Variants in ALG12 observed in about 807,000 individuals in gnomAD.
The protein encoded by ALG12 is dol-P-Man:Man(7)GlcNAc(2)-PP-Dol alpha-1,6-mannosyltransferase.
In ALG12, 36 loss-of-function variants were observed where a neutral mutation model predicts 46.0. That is an observed-to-expected ratio of 0.78 (90% CI 0.60 to 1.03). The LOEUF is 1.03. Among genes scored for constraint, ALG12 ranks in the 50% least tolerant of loss-of-function variants. The pLI is 0.00. For missense variants in ALG12, 599 were observed against 633.5 expected, an observed-to-expected ratio of 0.95 and a Z score of 0.58; for synonymous variants, 326 against 291.6, an observed-to-expected ratio of 1.12 and a Z score of -1.20.
chr22:49,912,275 G>A (rs1253665081), intron 3 of ALG12, among the ~76,000 whole-genome samples: 1 of 152,198 alleles, frequency 6.6e-6, no homozygotes, highest in African/African-American at 2.4e-5. Flanking sequence ...GACACAGGGT[G>A]GGCTCCCGTT....
At chr22:49,866,071 G>A in the ALG12 span, among the ~76,000 whole-genome samples, 1 of 152,062 alleles carries the variant, frequency 6.6e-6, no homozygotes, top group African/African-American at 2.4e-5. Flanking sequence ...ATAAAGCATT[G>A]CTGTCAAAAT....
the ALG12 span, chr22:49,883,608 A>G: frequency 6.8e-7 from 1 of 1,476,256 alleles, no homozygotes; most frequent in Non-Finnish European, 9.0e-7. Context: ...ACAAATGAGC[A>G]CTTGGATCAG....
chr22:49,864,484 C>T, the ALG12 span, among the ~76,000 whole-genome samples: 2 of 152,114 alleles, frequency 1.3e-5, no homozygotes, highest in East Asian at 1.9e-4. Flanking sequence ...AGGACACGGC[C>T]ACGTCCGATA....
At chr22:49,894,804 G>A in the ALG12 span, among the ~76,000 whole-genome samples, 9 of 152,332 alleles carry the variant, frequency 5.9e-5, no homozygotes, top group Non-Finnish European at 1.0e-4. Context: ...CCATCCTGCC[G>A]GACGGCCGTC....
chr22:49,896,969 C>A (rs2060485701), downstream of ALG12, among the ~76,000 whole-genome samples: 1 of 151,894 alleles, frequency 6.6e-6, no homozygotes, highest in Non-Finnish European at 1.5e-5. Context: ...GAAGAAAATT[C>A]CCAGTCAAAA....
Position 49,902,750 on chromosome 22 carries a change from C to G in ALG12, c.*1088G>C, listed in dbSNP as rs1283795329. ...ATGCATGGTAATGTGCACGTGTGCA[C>G]TGTGTGTGGTGTGTATGCATGGTGT... is the stretch of plus-strand genomic sequence containing the variant. On this transcript the variant is annotated 3_prime_UTR_variant, in exon 10 of 10. Coordinates refer to ENST00000330817, the MANE Select transcript of ALG12 (RefSeq NM_024105.4). The G allele has an allele frequency of 4.3e-5, 3 of 70,250 alleles. No individual in the cohort carries two copies. Among genetic ancestry groups the G allele is most frequent in the Non-Finnish European group, 7.4e-5 (3 of 40,684 alleles). The allele number at this position is 70,250 out of a possible 1,614,324, so 4.4% of individuals were successfully genotyped here. A position where few individuals can be genotyped will look rare whatever the true frequency, so the allele number is the denominator to read the frequency against.
chr22:49,915,221 C>T (rs1404832343), intron 1 of ALG12, among the ~76,000 whole-genome samples: 1 of 152,160 alleles, frequency 6.6e-6, no homozygotes, highest in East Asian at 1.9e-4. Context: ...AATATAAAAA[C>T]CTGGGGCCGG....
downstream of ALG12, among the ~76,000 whole-genome samples, chr22:49,897,944 CCA>C (rs1244419845): frequency 6.6e-6 from 1 of 152,044 alleles, no homozygotes; most frequent in East Asian, 1.9e-4. Context: ...CAGGCGTGAG[CCA>C]CCACGTCCGG....
Position 49,906,878 on chromosome 22 carries a change from G to A in ALG12, c.992+843C>T, listed in dbSNP as rs151129704. Among the ~76,000 whole-genome samples, 633 of 152,152 alleles carry A rather than the reference G, an allele frequency of 4.2e-3. 4 individuals are homozygous for A. The highest frequency in any genetic ancestry group is 0.017 in the Middle Eastern group (5 of 294). On this transcript the variant is annotated intron_variant, in intron 7 of 9. Coordinates refer to ENST00000330817, the MANE Select transcript of ALG12 (RefSeq NM_024105.4). This position sits in a 1 kb window ranked among gnomAD's most constrained non-coding sequence, Gnocchi z 4.4. The stretch of plus-strand genomic sequence containing the variant: ...TCCTTCCCCAGCACCCACAGGGCCC[G>A]GCAGTGATGGACTCTCCTGGCTCCC...
At position 49,902,250 on chromosome 22, in the gene ALG12, GTGTA is replaced by G. The variant is rs1400979700; in HGVS notation, c.*1584_*1587del. The G allele has an allele frequency of 1.4e-5, 2 of 142,924 alleles. No homozygotes were observed. The highest frequency in any genetic ancestry group is 2.9e-5 in the African/African-American group (1 of 34,860). The allele number at this position is 142,924 out of a possible 1,614,324, so 8.9% of individuals were successfully genotyped here. A position where few individuals can be genotyped will look rare whatever the true frequency, so the allele number is the denominator to read the frequency against. On this transcript the variant is annotated 3_prime_UTR_variant, in exon 10 of 10. Coordinates refer to ENST00000330817, the MANE Select transcript of ALG12 (RefSeq NM_024105.4). ...TGCATGGTGTGTGCACGTGTGCACTGTGTATGCATGGTGTGTGCATGTGTGCACT... is the reference window on the plus strand; with the variant it reads ...TGCATGGTGTGTGCACGTGTGCACTGTGCATGGTGTGTGCATGTGTGCACT...
At chr22:49,884,929 G>A in the ALG12 span, 1 of 1,606,282 alleles carries the variant, frequency 6.2e-7, no homozygotes, top group Non-Finnish European at 8.5e-7. Flanking sequence ...CATAGGGGAG[G>A]CCTCGGCGTC....
chr22:49,900,012 A>G (rs2147571279), downstream of ALG12, among the ~76,000 whole-genome samples: 1 of 152,184 alleles, frequency 6.6e-6, no homozygotes, highest in African/African-American at 2.4e-5. Flanking sequence ...AATTTTTTAA[A>G]AATTAGCTGG....
intron 1 of ALG12, among the ~76,000 whole-genome samples, chr22:49,915,230 G>A (rs921847897): frequency 5.3e-5 from 8 of 152,182 alleles, no homozygotes; most frequent in Admixed American, 2.0e-4. Flanking sequence ...ACCTGGGGCC[G>A]GGCGCGGTCG....
At chr22:49,865,863 CTTTTTT>C in the ALG12 span, among the ~76,000 whole-genome samples, 1 of 139,520 alleles carries the variant, frequency 7.2e-6, no homozygotes, top group South Asian at 2.3e-4. Flanking sequence ...TTCACATTTT[CTTTTTT>C]TTTTTTTTCC....
downstream of ALG12, among the ~76,000 whole-genome samples, chr22:49,895,417 C>T (rs774806760): frequency 3.3e-5 from 5 of 151,886 alleles, no homozygotes; most frequent in Non-Finnish European, 7.4e-5. Context: ...TTTGGGAGGC[C>T]GAGGTGGGTG....
chr22:49,862,770 C>A, the ALG12 span, among the ~76,000 whole-genome samples: 4 of 135,296 alleles, frequency 3.0e-5, no homozygotes, highest in Non-Finnish European at 4.6e-5. Context: ...GTCGTGATCT[C>A]GGCTCACTGC....
chr22:49,881,619 C>T, the ALG12 span, among the ~76,000 whole-genome samples: 2 of 152,198 alleles, frequency 1.3e-5, no homozygotes, highest in Admixed American at 6.5e-5. Context: ...CTCAAGTGAT[C>T]GTCCCATCTC....
chr22:49,880,722 T>C, the ALG12 span, among the ~76,000 whole-genome samples: 92 of 152,374 alleles, frequency 6.0e-4, no homozygotes, highest in Admixed American at 5.0e-3. Context: ...CCTGATTCTT[T>C]GTATTCCCAT....
At chr22:49,876,151 T>C in the ALG12 span, among the ~76,000 whole-genome samples, 3 of 152,230 alleles carry the variant, frequency 2.0e-5, no homozygotes, top group Non-Finnish European at 2.9e-5. Flanking sequence ...AACCATTCTT[T>C]GATTTTGGTT....
Sources: gnomAD v4.1 joint callset for allele counts (sites outside exome capture counted in the v4.1 genomes callset) on GRCh38, gnomAD v4.1.1 for gene constraint, Gnocchi (gnomAD v3.1) non-coding constraint, MANE v1.5 for transcripts, NCBI Gene and HGNC (gene_info 2026-07-23, HGNC 2026-07-21) for gene names.